The following MRC1 variants were observed in gnomAD, a reference collection of about 807,000 sequenced individuals.
MRC1 encodes mannose receptor C-type 1.
A neutral mutation model predicts 102.9 loss-of-function variants in MRC1; 62 were observed. The observed-to-expected ratio is 0.60, with a 90% CI of 0.49 to 0.74. The LOEUF is 0.74. Among genes scored for constraint, MRC1 ranks in the 30% least tolerant of loss-of-function variants. MRC1 has a pLI of 0.00. For missense variants in MRC1, 1,237 were observed against 862.8 expected (o/e 1.43, Z -5.43); for synonymous variants, 457 against 298.4 (o/e 1.53, Z -5.48).
chr10:17,836,849 T>A (rs910220498), intron 4 of MRC1, among the ~76,000 whole-genome samples: 2 of 151,018 alleles, frequency 1.3e-5, no homozygotes, highest in African/African-American at 4.9e-5. Flanking sequence ...AATAAATAAA[T>A]AAATAAAAAT....
intron 22 of MRC1, among the ~76,000 whole-genome samples, chr10:17,890,463 A>G (rs1294086805): frequency 5.9e-5 from 9 of 152,140 alleles, no homozygotes; most frequent in African/African-American, 2.2e-4. Flanking sequence ...TATCAGAGAT[A>G]GTCTTCATTT....
At chr10:17,861,838 C>T (rs1251218248) in intron 10 of MRC1, among the ~76,000 whole-genome samples, 8 of 152,160 alleles carry the variant, frequency 5.3e-5, no homozygotes, top group East Asian at 1.9e-4. Context: ...CTCAAAATCA[C>T]GTTATATCTT....
chr10:17,897,449 A>G (rs1833771460), intron 23 of MRC1, among the ~76,000 whole-genome samples: 1 of 152,202 alleles, frequency 6.6e-6, no homozygotes, highest in South Asian at 2.1e-4. Flanking sequence ...GGCGAAGGGC[A>G]TAGAAAATCA....
intron 4 of MRC1, among the ~76,000 whole-genome samples, chr10:17,836,264 G>T (rs1156451183): frequency 6.6e-6 from 1 of 152,162 alleles, no homozygotes; most frequent in Non-Finnish European, 1.5e-5. Flanking sequence ...GGATAGAAAA[G>T]CAATATGATG....
At chr10:17,880,473 G>A (rs538130948) in intron 19 of MRC1, 52 bp from the exon 20 acceptor site, 11 of 777,628 alleles carry the variant, frequency 1.4e-5, no homozygotes, top group Admixed American at 8.5e-5. Context: ...TTAAAATAAT[G>A]TTTTAAAACA....
chr10:17,856,169 C>CAA (rs1243445821), intron 8 of MRC1, 73 bp from the exon 9 acceptor site: 1,405 of 518,768 alleles, frequency 2.7e-3, no homozygotes, highest in East Asian at 3.3e-3. Flanking sequence ...GACACTGTCT[C>CAA]AAAAAAAAAA....
intron 9 of MRC1, among the ~76,000 whole-genome samples, chr10:17,856,564 C>A (rs1833096090): frequency 6.6e-6 from 1 of 152,062 alleles, no homozygotes; most frequent in African/African-American, 2.4e-5. Flanking sequence ...GTACACAAGG[C>A]CGGTAGCTCC....
chr10:17,840,270 G>T (rs1838731595), intron 4 of MRC1, among the ~76,000 whole-genome samples: 1 of 148,112 alleles, frequency 6.8e-6, no homozygotes, highest in East Asian at 2.0e-4. Context: ...TAATCATCAT[G>T]TTAACGAAGA....
intron 4 of MRC1, among the ~76,000 whole-genome samples, chr10:17,837,447 T>C (rs1182408777): frequency 1.3e-5 from 2 of 152,184 alleles, no homozygotes; most frequent in African/African-American, 4.8e-5. Context: ...TGAGATATAT[T>C]GGGGAATAAT....
At chr10:17,817,852 A>G (rs981352892) in intron 1 of MRC1, among the ~76,000 whole-genome samples, 16 of 152,246 alleles carry the variant, frequency 1.1e-4, no homozygotes, top group Non-Finnish European at 1.8e-4. Flanking sequence ...CCTTTTGGCC[A>G]ACGTCTTGAA....
At chr10:17,845,524 G>A (rs1005509546) in intron 6 of MRC1, 89 bp downstream of exon 6, 42 of 763,220 alleles carry the variant, frequency 5.5e-5, no homozygotes, top group African/African-American at 1.7e-4. Flanking sequence ...TTGGAATGCC[G>A]CCAGAGGTTT....
intron 24 of MRC1, among the ~76,000 whole-genome samples, chr10:17,899,204 CA>C (rs1833796758): frequency 6.6e-6 from 1 of 151,884 alleles, no homozygotes; most frequent in Admixed American, 6.6e-5. Flanking sequence ...ACAATTTATA[CA>C]ATGAGTATTT....
intron 23 of MRC1, among the ~76,000 whole-genome samples, 174 bp downstream of exon 23, chr10:17,894,486 G>A (rs1833727199): frequency 7.5e-6 from 1 of 133,786 alleles, no homozygotes; most frequent in East Asian, 2.5e-4. Flanking sequence ...TGCAACTTCC[G>A]CCTCCCAGGT....
intron 8 of MRC1, 60 bp from the exon 9 acceptor site, chr10:17,856,182 A>G: frequency 1.3e-6 from 1 of 746,530 alleles, no homozygotes; most frequent in South Asian, 1.5e-5. Context: ...AAAAAAAAAA[A>G]AAAAAAAGGT....
intron 9 of MRC1, among the ~76,000 whole-genome samples, chr10:17,859,520 G>A (rs1480873090): frequency 6.6e-6 from 1 of 152,078 alleles, no homozygotes; most frequent in African/African-American, 2.4e-5. Context: ...GTTTCACCAC[G>A]TTGGTCAAGG....
intron 9 of MRC1, among the ~76,000 whole-genome samples, chr10:17,860,791 C>T (rs940564536): frequency 6.6e-6 from 1 of 152,292 alleles, no homozygotes; most frequent in Admixed American, 6.5e-5. Context: ...TCAGTTTCCT[C>T]AGTAAACGTT....
chr10:17,873,912 G>A (rs886161183), intron 16 of MRC1, 87 bp downstream of exon 16: 18 of 833,256 alleles, frequency 2.2e-5, no homozygotes, highest in Non-Finnish European at 3.8e-5. Context: ...ACTTGCCCTA[G>A]GAAGGTAGAG....
chr10:17,832,413 G>A (rs2130609972), intron 3 of MRC1, among the ~76,000 whole-genome samples: 1 of 149,884 alleles, frequency 6.7e-6, no homozygotes, highest in East Asian at 2.0e-4. Flanking sequence ...AAATTAGCCG[G>A]GCGTGGCGGC....
At position 17,900,843 on chromosome 10, in the gene MRC1, C is replaced by G. The variant is rs1309639771; in HGVS notation, c.3539C>G (p.Ala1180Gly). 3 of 780,672 alleles carry G rather than the reference C, an allele frequency of 3.8e-6. No homozygotes were observed. Among genetic ancestry groups the G allele is most frequent in the Non-Finnish European group, 7.2e-6 (3 of 417,950 alleles). The allele number at this position is 780,672 out of a possible 1,614,324, so 48.4% of individuals were successfully genotyped here. Residue 1180 changes from alanine (A) to glycine (G), a missense_variant, in exon 25 of 30, where the codon GCT (alanine) becomes GGT (glycine). Transcript: ENST00000569591. ...DKWRVRYTNW[A>G]ADEPKLKSAC... Reference sequence around the variant, plus strand: ...TGGAGGGTGAGGTACACTAACTGGGCTGCTGATGAGCCCAAATTGAAATCA... The same window carrying G: ...TGGAGGGTGAGGTACACTAACTGGGGTGCTGATGAGCCCAAATTGAAATCA...
Sources: allele counts gnomAD v4.1 joint callset (sites outside exome capture counted in the v4.1 genomes callset), GRCh38; gene constraint gnomAD v4.1.1; transcripts MANE v1.5; gene names NCBI Gene and HGNC (gene_info 2026-07-23, HGNC 2026-07-21).